Variants in MOSMO observed in about 807,000 individuals in gnomAD.
MOSMO encodes modulator of smoothened.
A neutral mutation model predicts 18.4 loss-of-function variants in MOSMO; 5 were observed. The observed-to-expected ratio is 0.27, with a 90% CI of 0.14 to 0.57. The LOEUF (loss-of-function observed/expected upper bound fraction) is 0.57. Among genes scored for constraint, MOSMO ranks in the 20% least tolerant of loss-of-function variants. The pLI is 0.92. For synonymous variants in MOSMO, 82 were observed against 82.3 expected (o/e 1.00, Z 0.02); for missense variants, 138 against 211.8 (o/e 0.65, Z 2.16).
chr16:22,088,323 A>G (rs1239550832), downstream of MOSMO, among the ~76,000 whole-genome samples: 2 of 151,984 alleles, frequency 1.3e-5, no homozygotes, highest in African/African-American at 2.4e-5. Flanking sequence ...TTCTTTTTTG[A>G]CTTAATTTGT....
downstream of MOSMO, among the ~76,000 whole-genome samples, chr16:22,087,771 G>T (rs1031912637): frequency 2.6e-5 from 4 of 152,098 alleles, no homozygotes; most frequent in East Asian, 7.7e-4. Flanking sequence ...CTGCCTTCAG[G>T]GTTATCAGTA....
intron 1 of MOSMO, among the ~76,000 whole-genome samples, chr16:22,034,359 C>T (rs1481808464): frequency 6.6e-6 from 1 of 152,182 alleles, no homozygotes. Context: ...TTCTTTCTCT[C>T]TAAAGATTAT....
intron 1 of MOSMO, among the ~76,000 whole-genome samples, chr16:22,046,595 A>G (rs1715575560): frequency 1.3e-5 from 2 of 152,146 alleles, no homozygotes; most frequent in African/African-American, 4.8e-5. Flanking sequence ...TGAAAGGGAA[A>G]ATCCTTCTTG....
downstream of MOSMO, among the ~76,000 whole-genome samples, chr16:22,089,630 G>A (rs897661375): frequency 4.2e-5 from 2 of 47,446 alleles, no homozygotes; most frequent in East Asian, 7.9e-4. Context: ...CCCACCCCCC[G>A]CCACCACCCA....
At chr16:22,047,391 C>T (rs1900333838) in intron 1 of MOSMO, among the ~76,000 whole-genome samples, 1 of 151,774 alleles carries the variant, frequency 6.6e-6, no homozygotes, top group Admixed American at 6.6e-5. Flanking sequence ...ACTACAGGCG[C>T]CCGTCACCAC....
intron 1 of MOSMO, among the ~76,000 whole-genome samples, chr16:22,034,430 G>C (rs1027597418): frequency 2.6e-5 from 4 of 152,138 alleles, no homozygotes; most frequent in Non-Finnish European, 5.9e-5. Flanking sequence ...TTTTGTTTGA[G>C]AAAGTCTTTA....
intron 1 of MOSMO, among the ~76,000 whole-genome samples, chr16:22,015,257 T>A (rs1354306066): frequency 1.3e-5 from 2 of 152,126 alleles, no homozygotes; most frequent in Non-Finnish European, 2.9e-5. Flanking sequence ...TATGACTTTT[T>A]TTTTTCTTTA....
intron 1 of MOSMO, among the ~76,000 whole-genome samples, chr16:22,073,782 G>A (rs991402291): frequency 1.3e-5 from 2 of 151,642 alleles, no homozygotes; most frequent in African/African-American, 4.9e-5. Flanking sequence ...GGCATAGTGT[G>A]TGGCATTTTT....
rs950314049 is a variant in MOSMO at position 22,063,463 on chromosome 16, G to A, written c.107-12024G>A. Among the ~76,000 whole-genome samples, 7 of 152,278 alleles carry A rather than the reference G, an allele frequency of 4.6e-5. No homozygotes were observed. In the East Asian group the frequency reaches 5.8e-4, roughly 13 times the overall value. ...AGGTAGTAGTGCACATTTTCTGGTC[G>A]ATGCAAATAGGTAAGACAAATGTGA... is the stretch of plus-strand genomic sequence containing the variant. On this transcript the variant is annotated intron_variant, in intron 1 of 2. Coordinates refer to ENST00000542527, the MANE Select transcript of MOSMO (RefSeq NM_001164579.2).
intron 1 of MOSMO, chr16:22,075,257 G>A (rs188943284): frequency 3.1e-6 from 2 of 637,100 alleles, no homozygotes; most frequent in East Asian, 6.4e-5. Flanking sequence ...TGAACTGCCT[G>A]TTATGACTTT....
In MOSMO at chr16:22,058,152, G is replaced by T. The variant is rs528133858; in HGVS notation, c.107-17335G>T. On this transcript the variant is annotated intron_variant, in intron 1 of 2. Transcript: ENST00000542527. ...GTTAGAAACAGTTGTTCTAGGCCGG[G>T]TGTGGTGGCTCACACCCATAATCCC... Among the ~76,000 whole-genome samples the T allele has an allele frequency of 2.6e-5, 4 of 152,280 alleles. No homozygotes were observed. The East Asian group carries it at 7.7e-4, about 29-fold the overall frequency.
At chr16:22,089,200 T>A (rs1811733898), downstream of MOSMO, among the ~76,000 whole-genome samples, 1 of 152,104 alleles carries the variant, frequency 6.6e-6, no homozygotes, top group Non-Finnish European at 1.5e-5. Context: ...CCCAAGTAGC[T>A]GGGACCACAG....
At chr16:22,038,553 G>C (rs1213964511) in intron 1 of MOSMO, among the ~76,000 whole-genome samples, 1 of 152,164 alleles carries the variant, frequency 6.6e-6, no homozygotes, top group Non-Finnish European at 1.5e-5. Flanking sequence ...ATGAAGTTAG[G>C]TTACAGATAA....
At chr16:22,046,966 C>G (rs998547144) in intron 1 of MOSMO, among the ~76,000 whole-genome samples, 2 of 152,112 alleles carry the variant, frequency 1.3e-5, no homozygotes, top group African/African-American at 2.4e-5. Flanking sequence ...TTAATGCATT[C>G]TACATTTTAA....
At chr16:22,067,740 G>C (rs928167596) in intron 1 of MOSMO, among the ~76,000 whole-genome samples, 1 of 152,070 alleles carries the variant, frequency 6.6e-6, no homozygotes, top group Non-Finnish European at 1.5e-5. Context: ...TTAGCTGGAC[G>C]TGGTGGCACA....
chr16:22,034,722 T>G (rs8060081), intron 1 of MOSMO, among the ~76,000 whole-genome samples: 7,230 of 148,604 alleles, frequency 0.049, 638 homozygotes, highest in African/African-American at 0.17. Context: ...TTAGAAACTG[T>G]TTTTTTTGTT....
At chr16:22,041,565 T>C (rs1368710333) in intron 1 of MOSMO, among the ~76,000 whole-genome samples, 1 of 152,104 alleles carries the variant, frequency 6.6e-6, no homozygotes, top group Non-Finnish European at 1.5e-5. Flanking sequence ...CAGGGAGTAA[T>C]TGAAGTAAAA....
chr16:22,013,890 G>GA (rs921597642), intron 1 of MOSMO, among the ~76,000 whole-genome samples: 4 of 148,790 alleles, frequency 2.7e-5, no homozygotes, highest in Admixed American at 6.7e-5. Flanking sequence ...TGGGGGGGGG[G>GA]AATCTCAAAA....
intron 1 of MOSMO, among the ~76,000 whole-genome samples, chr16:22,060,282 A>G (rs1193815085): frequency 1.3e-5 from 2 of 152,262 alleles, no homozygotes; most frequent in Non-Finnish European, 2.9e-5. Flanking sequence ...TTGGTAAAAC[A>G]CATGTCAGAA....
Sources: allele counts gnomAD v4.1 joint callset (sites outside exome capture counted in the v4.1 genomes callset), GRCh38; gene constraint gnomAD v4.1.1; transcripts MANE v1.5; gene names NCBI Gene and HGNC (gene_info 2026-07-23, HGNC 2026-07-21).